Variants in SYNJ1 observed in about 807,000 individuals in gnomAD.
The protein encoded by SYNJ1 is polyphosphatidylinositol phosphatase SYNJ1.
In SYNJ1, 78 loss-of-function variants were observed where a neutral mutation model predicts 168.2. That is an observed-to-expected ratio of 0.46 (90% CI 0.39 to 0.56). The LOEUF is 0.56. SYNJ1 is among the 20% of genes least tolerant of loss of function. The probability of loss-of-function intolerance (pLI) is 0.00; values close to 1 mark genes in which losing one functional copy is unlikely to be tolerated. For missense variants in SYNJ1, 1,303 were observed against 1,597.6 expected (o/e 0.82, Z 3.14); for synonymous variants, 539 against 548.6 (o/e 0.98, Z 0.24).
At chr21:32,666,303 CA>C (rs1208544881) in intron 16 of SYNJ1, 129 bp downstream of exon 16, 1 of 1,476,392 alleles carries the variant, frequency 6.8e-7, no homozygotes, top group African/African-American at 1.4e-5. Context: ...TCAAAACCCC[CA>C]AAACCCCATT....
chr21:32,641,781 A>G (rs1229967411), intron 29 of SYNJ1, 115 bp downstream of exon 29: 4 of 645,866 alleles, frequency 6.2e-6, no homozygotes, highest in Non-Finnish European at 1.1e-5. Flanking sequence ...CATTTTAGAG[A>G]TGAGGAAATT....
Position 32,642,248 on chromosome 21 carries a change from T to C in SYNJ1, c.3479-115A>G, listed in dbSNP as rs994002380. ...CAGCAGAAATGGGGGCATGAGATGG[T>C]AACAAAACAAAGCACTTTGCTTTGT... On this transcript the variant is annotated intron_variant, in intron 27 of 32. Coordinates refer to ENST00000674351, the MANE Select transcript of SYNJ1 (RefSeq NM_203446.3). The C allele has an allele frequency of 3.5e-6, 4 of 1,144,894 alleles. No individual in the cohort carries two copies. In the African/African-American group the frequency reaches 4.6e-5, roughly 13 times the overall value. 70.9% of individuals were successfully genotyped at this position (1,144,894 alleles called of 1,614,324 possible).
chr21:32,686,066 C>T (rs2041828538), intron 8 of SYNJ1, 149 bp from the exon 9 acceptor site: 3 of 702,008 alleles, frequency 4.3e-6, no homozygotes, highest in Non-Finnish European at 6.7e-6. Context: ...ACACAATTAA[C>T]ATCAGTGTAC....
At chr21:32,639,306 A>G (rs2039722353) in intron 30 of SYNJ1, among the ~76,000 whole-genome samples, 181 bp from the exon 31 acceptor site, 1 of 152,158 alleles carries the variant, frequency 6.6e-6, no homozygotes, top group Non-Finnish European at 1.5e-5. Flanking sequence ...AAGGTGGGAG[A>G]TGACAGAAGG....
rs114845264 is a variant in SYNJ1, at chr21:32,639,392, T to C, written c.3698-267A>G. On this transcript the variant is annotated intron_variant, in intron 30 of 32. Transcript: ENST00000674351. ...TCTACCTTTCTTTTCTCTCAATTTTTAAAAATTTTTGATTTTTGAGACAGG... is the reference window on the plus strand; with the variant it reads ...TCTACCTTTCTTTTCTCTCAATTTTCAAAAATTTTTGATTTTTGAGACAGG... Among the ~76,000 whole-genome samples, 354 of 152,284 alleles carry C rather than the reference T, an allele frequency of 2.3e-3. 2 individuals carry two copies. Among genetic ancestry groups the C allele is most frequent in the African/African-American group, 7.5e-3 (311 of 41,554 alleles).
intron 2 of SYNJ1, among the ~76,000 whole-genome samples, chr21:32,723,719 G>T (rs756101374): frequency 1.3e-5 from 2 of 152,182 alleles, no homozygotes; most frequent in African/African-American, 2.4e-5. Flanking sequence ...TACTCAGGAG[G>T]CTGAGGCAGG....
chr21:32,657,629 A>G, intron 19 of SYNJ1, 87 bp downstream of exon 19: 1 of 1,279,572 alleles, frequency 7.8e-7, no homozygotes. Flanking sequence ...TTGAAAAACA[A>G]TATTCTCCTC....
At chr21:32,651,006 T>G (rs953155572) in intron 22 of SYNJ1, among the ~76,000 whole-genome samples, 5 of 152,208 alleles carry the variant, frequency 3.3e-5, no homozygotes, top group Non-Finnish European at 7.3e-5. Flanking sequence ...AAGTATAATC[T>G]AAGACAACCA....
chr21:32,647,652 T>C (rs895491637), intron 23 of SYNJ1, among the ~76,000 whole-genome samples: 16 of 152,352 alleles, frequency 1.1e-4, no homozygotes, highest in African/African-American at 3.6e-4. Flanking sequence ...TCAGATTCTA[T>C]GGTTCTTCAT....
At chr21:32,672,336 C>CT (rs1330963998) in intron 14 of SYNJ1, among the ~76,000 whole-genome samples, 11 of 150,278 alleles carry the variant, frequency 7.3e-5, no homozygotes, top group South Asian at 4.2e-4. Flanking sequence ...TTCTTTCTTT[C>CT]TTTTTTTTTG....
intron 2 of SYNJ1, among the ~76,000 whole-genome samples, chr21:32,702,927 T>C (rs1266684166): frequency 2.6e-5 from 4 of 152,254 alleles, no homozygotes; most frequent in African/African-American, 9.6e-5. Flanking sequence ...TATGACTGTC[T>C]CATTTCCTGT....
Position 32,630,998 on chromosome 21 carries a change from T to A in SYNJ1, c.*807A>T. 4 of 1,610,270 alleles carry A rather than the reference T, an allele frequency of 2.5e-6. No homozygotes were observed. The highest frequency in any genetic ancestry group is 3.4e-6 in the Non-Finnish European group (4 of 1,177,900). Reference sequence around the variant, plus strand: ...CACTGTTTTCTATTGCATGGCGTTATCTTTCTGTAAAGTCCAGTGTGGGTG... The same window carrying A: ...CACTGTTTTCTATTGCATGGCGTTAACTTTCTGTAAAGTCCAGTGTGGGTG... On this transcript the variant is annotated 3_prime_UTR_variant, in exon 33 of 33. Transcript: ENST00000674351.
rs2041732521 is a variant in SYNJ1, at chr21:32,684,081, C to T, written c.1157G>A (p.Cys386Tyr). Residue 386 changes from cysteine (C) to tyrosine (Y), a missense_variant, in exon 10 of 33, where the codon TGT (cysteine) becomes TAT (tyrosine). Transcript: ENST00000674351. Reference protein sequence around the residue: ...SGTVRTNCLDCLDRTNSVQAF... With the variant: ...SGTVRTNCLDYLDRTNSVQAF... ...CTGCACACTATTTGTTCTATCAAGA[C>T]AATCCAAGCAGTTTGTTCGAACTGT... 6.2e-7 allele frequency: 1 copy of T among 1,613,690 alleles called. No individual in the cohort carries two copies. The highest frequency in any genetic ancestry group is 1.3e-5 in the African/African-American group (1 of 75,024).
At chr21:32,690,998 A>C (rs957272126) in intron 6 of SYNJ1, among the ~76,000 whole-genome samples, 2 of 152,228 alleles carry the variant, frequency 1.3e-5, no homozygotes, top group Non-Finnish European at 2.9e-5. Context: ...ATTTTCCATC[A>C]ATATTACTTC....
intron 10 of SYNJ1, among the ~76,000 whole-genome samples, chr21:32,683,206 C>T (rs748346474): frequency 6.6e-6 from 1 of 151,844 alleles, no homozygotes; most frequent in Non-Finnish European, 1.5e-5. Context: ...TGGAACTAAA[C>T]GAAGTTTAGC....
intron 2 of SYNJ1, among the ~76,000 whole-genome samples, chr21:32,720,972 C>T (rs569370716): frequency 6.6e-6 from 1 of 152,334 alleles, no homozygotes; most frequent in Admixed American, 6.5e-5. Flanking sequence ...GCTTGTCCTT[C>T]TCCTGTGACA....
intron 32 of SYNJ1, 91 bp downstream of exon 32, chr21:32,634,770 G>A (rs1257773583): frequency 7.4e-7 from 1 of 1,360,232 alleles, no homozygotes; most frequent in Non-Finnish European, 1.0e-6. Flanking sequence ...TTAAAAATGG[G>A]TGAAACTTTA....
chr21:32,727,902 G>C (rs940070613), intron 1 of SYNJ1, 44 bp downstream of exon 1: 14 of 1,529,696 alleles, frequency 9.2e-6, no homozygotes, highest in African/African-American at 1.4e-5. Flanking sequence ...GGCTGCCCGT[G>C]GGTCTGGCCG....
intron 4 of SYNJ1, among the ~76,000 whole-genome samples, chr21:32,697,526 C>T (rs574440194): frequency 4.7e-5 from 7 of 150,482 alleles, no homozygotes; most frequent in Non-Finnish European, 8.9e-5. Flanking sequence ...AGGCCAAGTA[C>T]GGTGGCTCAT....
Sources: gnomAD v4.1 joint callset for allele counts (sites outside exome capture counted in the v4.1 genomes callset) on GRCh38, gnomAD v4.1.1 for gene constraint, MANE v1.5 for transcripts, NCBI Gene and HGNC (gene_info 2026-07-23, HGNC 2026-07-21) for gene names.